The following PRKN variants were observed in gnomAD, a reference collection of about 807,000 sequenced individuals.
The protein encoded by PRKN is parkin RBR E3 ubiquitin protein ligase.
Under a neutral mutation model 59.5 loss-of-function variants are expected in PRKN, and 56 were observed. The ratio of observed to expected loss-of-function variants is 0.94; its 90% CI spans 0.76 to 1.18. The LOEUF (loss-of-function observed/expected upper bound fraction) is 1.18. Ranked by LOEUF, PRKN falls within the 50% of genes most tolerant of loss-of-function variation. PRKN has a pLI of 0.00. For missense variants in PRKN, 657 were observed against 596.4 expected, an observed-to-expected ratio of 1.10 and a Z score of -1.06; for synonymous variants, 250 against 222.1, an observed-to-expected ratio of 1.13 and a Z score of -1.12.
intron 6 of PRKN, among the ~76,000 whole-genome samples, chr6:161,886,758 A>T (rs1199481559): frequency 6.7e-6 from 1 of 149,056 alleles, no homozygotes; most frequent in Non-Finnish European, 1.5e-5. Context: ...AAATAAAAAA[A>T]AATAAAATAA....
At chr6:161,412,500 T>C (rs1263720319) in intron 9 of PRKN, among the ~76,000 whole-genome samples, 1 of 150,536 alleles carries the variant, frequency 6.6e-6, no homozygotes, top group Non-Finnish European at 1.5e-5. Context: ...TCCTCACTCA[T>C]TCCTCCACTC....
chr6:162,435,600 T>C (rs1398857809), intron 2 of PRKN, among the ~76,000 whole-genome samples: 1 of 152,198 alleles, frequency 6.6e-6, no homozygotes, highest in Non-Finnish European at 1.5e-5. Flanking sequence ...TCTTTGATTC[T>C]AGACTCGGAC....
intron 4 of PRKN, among the ~76,000 whole-genome samples, chr6:162,174,509 A>C (rs1328957732): frequency 6.6e-6 from 1 of 150,430 alleles, no homozygotes; most frequent in East Asian, 1.9e-4. Context: ...ATATATCTTA[A>C]CTCTGAAGTT....
intron 7 of PRKN, among the ~76,000 whole-genome samples, chr6:161,668,847 C>T (rs1417336721): frequency 1.3e-5 from 2 of 152,236 alleles, no homozygotes; most frequent in East Asian, 3.8e-4. Flanking sequence ...ATCTCACCCA[C>T]ATCCTGTGAC....
intron 9 of PRKN, among the ~76,000 whole-genome samples, chr6:161,469,002 C>T (rs1391383395): frequency 6.6e-6 from 1 of 152,196 alleles, no homozygotes; most frequent in Non-Finnish European, 1.5e-5. Context: ...CTTCATGCAT[C>T]TCCTAATGAC....
At chr6:162,559,068 G>A (rs1382544808) in intron 1 of PRKN, among the ~76,000 whole-genome samples, 2 of 147,856 alleles carry the variant, frequency 1.4e-5, no homozygotes, top group African/African-American at 5.0e-5. Context: ...GGAGAATGGC[G>A]TGAACCCAGG....
intron 1 of PRKN, among the ~76,000 whole-genome samples, chr6:162,484,959 A>G (rs1255742872): frequency 6.6e-6 from 1 of 152,242 alleles, no homozygotes; most frequent in African/African-American, 2.4e-5. Context: ...CATATTTACT[A>G]GTTTTTCTAT....
chr6:162,406,142 A>G (rs1450400556), intron 2 of PRKN, among the ~76,000 whole-genome samples: 1 of 152,136 alleles, frequency 6.6e-6, no homozygotes, highest in African/African-American at 2.4e-5. Context: ...CAGGCACCAA[A>G]CTCAACACTT....
chr6:161,492,032 C>T (rs1647205539), intron 9 of PRKN, among the ~76,000 whole-genome samples: 1 of 152,172 alleles, frequency 6.6e-6, no homozygotes, highest in African/African-American at 2.4e-5. Flanking sequence ...TAAGGTAAAA[C>T]TCATAAGACA....
chr6:162,102,803 G>A (rs1780028884), intron 4 of PRKN, among the ~76,000 whole-genome samples: 1 of 144,294 alleles, frequency 6.9e-6, no homozygotes, highest in Admixed American at 6.7e-5. Context: ...CAGCACTTTG[G>A]GAGGCCGAGG....
In PRKN at chr6:161,356,295, T is replaced by C. The variant is rs557020119; in HGVS notation, c.1285+3793A>G. 4.6e-5 allele frequency among the ~76,000 whole-genome samples: 7 copies of C among 152,060 alleles called. No homozygotes were observed. The South Asian group carries it at 1.0e-3, about 23-fold the overall frequency. ...TCTTTGGCAGGGTGGTAAGGGGCGG[T>C]CTGACTGAGAAGAGGTCAGCTGGGG... On this transcript the variant is annotated intron_variant, in intron 11 of 11. Coordinates refer to ENST00000366898, the MANE Select transcript of PRKN (RefSeq NM_004562.3). The surrounding 1 kb of genome is among the most constrained non-coding windows in gnomAD (Gnocchi z 7.8).
intron 1 of PRKN, among the ~76,000 whole-genome samples, chr6:162,647,680 T>C (rs1234778040): frequency 1.3e-5 from 2 of 152,128 alleles, no homozygotes; most frequent in Admixed American, 6.6e-5. Flanking sequence ...CCTTCACTTT[T>C]TGTGGTACAA....
intron 2 of PRKN, among the ~76,000 whole-genome samples, chr6:162,438,777 T>G (rs1789904192): frequency 1.3e-5 from 2 of 152,214 alleles, no homozygotes; most frequent in South Asian, 4.2e-4. Context: ...TTTCTTTGGG[T>G]TTTTCCTGTT....
intron 7 of PRKN, among the ~76,000 whole-genome samples, chr6:161,695,827 G>C (rs1785997998): frequency 6.6e-6 from 1 of 152,158 alleles, no homozygotes; most frequent in Non-Finnish European, 1.5e-5. Flanking sequence ...GAGTGAGGAG[G>C]TGTTTTTCAA....
intron 1 of PRKN, among the ~76,000 whole-genome samples, chr6:162,646,032 G>A (rs970439513): frequency 6.6e-6 from 1 of 151,610 alleles, no homozygotes; most frequent in Non-Finnish European, 1.5e-5. Flanking sequence ...CTGCCACCAC[G>A]CCTGGCTAAT....
At chr6:162,560,852 G>GGAAAAAAAAAAAAA (rs1554244660) in intron 1 of PRKN, among the ~76,000 whole-genome samples, 2 of 2,892 alleles carry the variant, frequency 6.9e-4, no homozygotes, top group Non-Finnish European at 1.4e-3. Flanking sequence ...AGAGAGAGAG[G>GGAAAAAAAAAAAAA]CAAAAAAAAA....
rs550867409 is a variant in PRKN, at chr6:162,637,205, C to T, written c.7+90457G>A. ...CCGGGAGGCAGAGGTTGCAGTGGGC[C>T]GAGATCACGCCGCTGCACTCCAGCC... is the stretch of plus-strand genomic sequence containing the variant. On this transcript the variant is annotated intron_variant, in intron 1 of 11. Coordinates refer to ENST00000366898, the MANE Select transcript of PRKN (RefSeq NM_004562.3). 1.1e-4 allele frequency among the ~76,000 whole-genome samples: 16 copies of T among 151,900 alleles called. No homozygotes were observed. The South Asian group carries it at 2.7e-3, about 26-fold the overall frequency.
chr6:162,363,605 C>G (rs2128134642), intron 2 of PRKN, among the ~76,000 whole-genome samples: 1 of 65,212 alleles, frequency 1.5e-5, no homozygotes, highest in East Asian at 4.5e-4. Flanking sequence ...AAAAATGAAG[C>G]AAAGACATCA....
At chr6:161,652,695 G>A (rs1040332035) in intron 7 of PRKN, among the ~76,000 whole-genome samples, 5 of 152,164 alleles carry the variant, frequency 3.3e-5, no homozygotes, top group African/African-American at 1.2e-4. Context: ...CATGATATAT[G>A]ATTCTAATGG....
Sources: allele counts gnomAD v4.1 joint callset (sites outside exome capture counted in the v4.1 genomes callset), GRCh38; gene constraint gnomAD v4.1.1; non-coding constraint Gnocchi (gnomAD v3.1); transcripts MANE v1.5; gene names NCBI Gene and HGNC (gene_info 2026-07-23, HGNC 2026-07-21).